Variants in ASXL1 observed in about 807,000 individuals in gnomAD.
ASXL1 encodes the protein polycomb group protein ASXL1.
Under a neutral mutation model 89.1 loss-of-function variants are expected in ASXL1, and 65 were observed. That is an observed-to-expected ratio of 0.73 (90% CI 0.60 to 0.90). ASXL1 has a LOEUF of 0.90. ASXL1 is among the 40% of genes least tolerant of loss of function. ASXL1 has a pLI of 0.00. For synonymous variants in ASXL1, 739 were observed against 746.9 expected, an observed-to-expected ratio of 0.99 and a Z score of 0.17; for missense variants, 1,786 against 1,942.9, an observed-to-expected ratio of 0.92 and a Z score of 1.52.
At chr20:32,424,965 C>T (rs529325392) in intron 4 of ASXL1, among the ~76,000 whole-genome samples, 1 of 152,204 alleles carries the variant, frequency 6.6e-6, no homozygotes, top group South Asian at 2.1e-4. Flanking sequence ...CCTTCCCAGT[C>T]ACAGCCCCAT....
chr20:32,399,747 C>CTTTTTTTT (rs369127811), intron 4 of ASXL1, among the ~76,000 whole-genome samples: 1 of 73,878 alleles, frequency 1.4e-5, no homozygotes, highest in Non-Finnish European at 2.4e-5. Flanking sequence ...ATATTTTACT[C>CTTTTTTTT]TTTTTTTTTT....
intron 1 of ASXL1, chr20:32,360,477 C>G (rs902987177): frequency 1.3e-5 from 2 of 152,362 alleles, no homozygotes; most frequent in African/African-American, 4.8e-5. Flanking sequence ...TCCTCCTCGA[C>G]AATGAGTTTT....
chr20:32,369,546 C>T lies in ASXL1; in HGVS notation c.252+423C>T, dbSNP rs551978770. 1.0e-3 allele frequency among the ~76,000 whole-genome samples: 159 copies of T among 151,958 alleles called. 1 individual carries two copies. Among genetic ancestry groups the T allele is most frequent in the Non-Finnish European group, 1.9e-3 (132 of 67,996 alleles). On this transcript the variant is annotated intron_variant, in intron 4 of 12. Transcript: ENST00000375687. ...GGATTACAGGCATGAGCCACCGCAC[C>T]TGGCCAGATGCTGTTGGTTCTAAAT...
intron 4 of ASXL1, among the ~76,000 whole-genome samples, chr20:32,397,209 CT>C (rs1254055441): frequency 2.1e-3 from 132 of 63,200 alleles, no homozygotes; most frequent in African/African-American, 3.1e-3. Context: ...CATGCCTGGC[CT>C]TTTTTTTTTT....
chr20:32,408,330 C>T lies in ASXL1; in HGVS notation c.253-19798C>T, dbSNP rs529234823. Among the ~76,000 whole-genome samples, 6 of 152,210 alleles carry T rather than the reference C, an allele frequency of 3.9e-5. No homozygotes were observed. The East Asian group carries it at 1.2e-3, about 29-fold the overall frequency. ...GCTTTATTTGTTGAAATGATGTTCCCCTCTTTATTGAATAGCTTTGGTGCC... is the reference window on the plus strand; with the variant it reads ...GCTTTATTTGTTGAAATGATGTTCCTCTCTTTATTGAATAGCTTTGGTGCC... On this transcript the variant is annotated intron_variant, in intron 4 of 12. Transcript: ENST00000375687.
chr20:32,427,799 A>G (rs2011371377), intron 4 of ASXL1: 1 of 374,326 alleles, frequency 2.7e-6, no homozygotes, highest in East Asian at 6.5e-5. Context: ...AATCAGTTTA[A>G]TTGACCCCCC....
At chr20:32,427,364 C>G (rs927450833) in intron 4 of ASXL1, 2 of 153,018 alleles carry the variant, frequency 1.3e-5, no homozygotes, top group African/African-American at 4.8e-5. Context: ...TCTAGGCTTC[C>G]CGCGGTTGCC....
chr20:32,374,153 G>T (rs563313844), intron 4 of ASXL1, among the ~76,000 whole-genome samples: 2 of 151,088 alleles, frequency 1.3e-5, no homozygotes, highest in Admixed American at 1.3e-4. Flanking sequence ...GACTACAGGC[G>T]CATGCCACCA....
chr20:32,432,813 C>G, intron 10 of ASXL1, 67 bp from the exon 11 acceptor site: 1 of 1,571,342 alleles, frequency 6.4e-7, no homozygotes, highest in Non-Finnish European at 8.7e-7. Flanking sequence ...CTGGGAGATT[C>G]AGCTGTCCAT....
chr20:32,413,041 T>C (rs1192282386), intron 4 of ASXL1, among the ~76,000 whole-genome samples: 1 of 152,178 alleles, frequency 6.6e-6, no homozygotes, highest in Non-Finnish European at 1.5e-5. Context: ...TATACTTTGA[T>C]ACATCAACAT....
intron 4 of ASXL1, among the ~76,000 whole-genome samples, chr20:32,414,016 A>G (rs574795778): frequency 3.3e-5 from 5 of 152,180 alleles, no homozygotes; most frequent in South Asian, 2.1e-4. Flanking sequence ...TCTTACTACT[A>G]CATTCTTCAG....
chr20:32,395,243 C>A (rs1478622708), intron 4 of ASXL1, among the ~76,000 whole-genome samples: 1 of 152,020 alleles, frequency 6.6e-6, no homozygotes, highest in Non-Finnish European at 1.5e-5. Flanking sequence ...AAAAGTACTT[C>A]CTCTTGTTTT....
intron 1 of ASXL1, among the ~76,000 whole-genome samples, chr20:32,362,549 T>C (rs1444512554): frequency 6.6e-6 from 1 of 152,158 alleles, no homozygotes; most frequent in Non-Finnish European, 1.5e-5. Flanking sequence ...GGCCGGAGAA[T>C]GGCGTGAACG....
chr20:32,417,961 G>A (rs1407896699), intron 4 of ASXL1, among the ~76,000 whole-genome samples: 2 of 151,802 alleles, frequency 1.3e-5, no homozygotes, highest in Non-Finnish European at 2.9e-5. Context: ...GGCGAATCAC[G>A]AGGTCAGGAG....
chr20:32,358,748 G>A lies in ASXL1; in HGVS notation c.-28G>A, dbSNP rs2048055382. The A allele has an allele frequency of 1.4e-6, 2 of 1,410,666 alleles. No homozygotes were observed. Among genetic ancestry groups the A allele is most frequent in the Non-Finnish European group, 1.9e-6 (2 of 1,053,194 alleles). 87.4% of individuals were successfully genotyped at this position (1,410,666 alleles called of 1,614,324 possible). On this transcript the variant is annotated 5_prime_UTR_variant, in exon 1 of 13. Transcript: ENST00000375687. ...CCCGCCCAGCCCGGAGGTCCCGCGT[G>A]GAGCTGCCGCCGCCGCCGGGGAGAA...
intron 4 of ASXL1, among the ~76,000 whole-genome samples, chr20:32,398,471 C>G (rs2048807492): frequency 6.6e-6 from 1 of 152,094 alleles, no homozygotes; most frequent in South Asian, 2.1e-4. Context: ...TTCTCTCTGT[C>G]CTTTTCCCTT....
chr20:32,431,718 C>T (rs763370515), intron 10 of ASXL1, 39 bp downstream of exon 10: 6 of 1,595,636 alleles, frequency 3.8e-6, no homozygotes, highest in Middle Eastern at 4.5e-4. Flanking sequence ...TTGCGACGCA[C>T]CTGTCGTGTG....
chr20:32,385,655 C>G (rs2048566816), intron 4 of ASXL1, among the ~76,000 whole-genome samples: 1 of 151,916 alleles, frequency 6.6e-6, no homozygotes, highest in African/African-American at 2.4e-5. Flanking sequence ...CCATTGCCAC[C>G]ACCCTATCCT....
intron 4 of ASXL1, among the ~76,000 whole-genome samples, chr20:32,386,449 G>A (rs191956447): frequency 6.6e-6 from 1 of 150,706 alleles, no homozygotes; most frequent in East Asian, 2.0e-4. Context: ...ACAGAGTCTT[G>A]TTCTGTTGCC....
Sources: allele counts gnomAD v4.1 joint callset (sites outside exome capture counted in the v4.1 genomes callset), GRCh38; gene constraint gnomAD v4.1.1; transcripts MANE v1.5; gene names NCBI Gene and HGNC (gene_info 2026-07-23, HGNC 2026-07-21).